ME3: variants seen among roughly 807,000 people sequenced by gnomAD.
The protein encoded by ME3 is NADP-dependent malic enzyme, mitochondrial.
ME3 carries 48 observed loss-of-function variants against 68.9 expected under a neutral mutation model. The observed-to-expected ratio is 0.70, with a 90% CI of 0.55 to 0.89. ME3 has a LOEUF of 0.89. Among genes scored for constraint, ME3 ranks in the 40% least tolerant of loss-of-function variants. The pLI is 0.00. For synonymous variants in ME3, 320 were observed against 318.8 expected (o/e 1.00, Z -0.04); for missense variants, 675 against 797.4 (o/e 0.85, Z 1.85).
At chr11:86,549,938 G>T (rs564039113) in intron 4 of ME3, among the ~76,000 whole-genome samples, 61 of 152,266 alleles carry the variant, frequency 4.0e-4, no homozygotes, top group African/African-American at 1.4e-3. Context: ...GTACTTCCAG[G>T]TTGGGATGGG....
At chr11:86,651,968 T>A (rs1331951453) in intron 2 of ME3, among the ~76,000 whole-genome samples, 1 of 152,220 alleles carries the variant, frequency 6.6e-6, no homozygotes, top group African/African-American at 2.4e-5. Context: ...AGTAGCCGAT[T>A]CGATCAACTG....
chr11:86,597,024 G>A (rs952302970), intron 2 of ME3, among the ~76,000 whole-genome samples: 1 of 152,222 alleles, frequency 6.6e-6, no homozygotes, highest in Non-Finnish European at 1.5e-5. Context: ...TCCAGCAAAA[G>A]ACAGAGGCCC....
chr11:86,551,224 G>A (rs901429706), intron 4 of ME3, among the ~76,000 whole-genome samples: 9 of 152,240 alleles, frequency 5.9e-5, no homozygotes, highest in East Asian at 5.8e-4. Context: ...GTTCACATGC[G>A]TTTAGCCCTT....
At position 86,497,912 on chromosome 11, in the gene ME3, C is replaced by T. The variant is rs529249561; in HGVS notation, c.705+51G>A. ...CCCACAAACATGCTCCTCACCCTGT[C>T]CCAGTTGCCACCTTTTGGCCCCAGA... On this transcript the variant is annotated intron_variant, in intron 6 of 14. Coordinates refer to ENST00000543262, the Ensembl canonical transcript of ME3. 5 of 1,534,126 alleles carry T rather than the reference C, an allele frequency of 3.3e-6. No individual in the cohort carries two copies. The South Asian group carries it at 5.1e-5, about 16-fold the overall frequency.
intron 7 of ME3, among the ~76,000 whole-genome samples, chr11:86,487,095 A>C (rs1235647467): frequency 4.6e-5 from 7 of 152,148 alleles, no homozygotes. Flanking sequence ...CCTCCAGATC[A>C]CAGCCTTCAG....
chr11:86,672,122 G>A, intron 1 of ME3, 164 bp from the exon 2 acceptor site: 1 of 574,810 alleles, frequency 1.7e-6, no homozygotes, highest in Non-Finnish European at 2.7e-6. Context: ...GCTGCCACCT[G>A]CTCGGCTCCG....
chr11:86,478,614 T>A (rs1951217282), intron 7 of ME3, among the ~76,000 whole-genome samples: 1 of 152,190 alleles, frequency 6.6e-6, no homozygotes, highest in African/African-American at 2.4e-5. Flanking sequence ...TCCCTATTGC[T>A]CACTACATCA....
At chr11:86,653,077 G>A (rs1332939529) in intron 2 of ME3, among the ~76,000 whole-genome samples, 2 of 152,112 alleles carry the variant, frequency 1.3e-5, no homozygotes, top group African/African-American at 2.4e-5. Flanking sequence ...CAATACAGGA[G>A]CACCCAGATT....
intron 4 of ME3, among the ~76,000 whole-genome samples, chr11:86,513,435 C>G (rs749396142): frequency 2.6e-5 from 4 of 152,128 alleles, no homozygotes; most frequent in Non-Finnish European, 5.9e-5. Flanking sequence ...AGTCCAAAGA[C>G]TTTATTTTAT....
intron 4 of ME3, among the ~76,000 whole-genome samples, chr11:86,536,337 A>G (rs1203168917): frequency 6.8e-6 from 1 of 146,968 alleles, no homozygotes; most frequent in African/African-American, 2.5e-5. Flanking sequence ...CTACCATCAG[A>G]GTGAACAGGC....
chr11:86,647,835 T>A (rs781006903), intron 2 of ME3, among the ~76,000 whole-genome samples: 23 of 152,152 alleles, frequency 1.5e-4, no homozygotes, highest in Non-Finnish European at 2.4e-4. Flanking sequence ...ACTGTCAATA[T>A]TAGACAGATC....
At chr11:86,450,729 A>G (rs907677519) in intron 8 of ME3, among the ~76,000 whole-genome samples, 2 of 152,224 alleles carry the variant, frequency 1.3e-5, no homozygotes, top group African/African-American at 4.8e-5. Context: ...AGCCTCATAG[A>G]ATTATATAAG....
intron 4 of ME3, among the ~76,000 whole-genome samples, chr11:86,528,603 G>A (rs142740813): frequency 0.012 from 1,848 of 152,172 alleles, 48 homozygotes; most frequent in African/African-American, 0.042. Context: ...CACATAGTTG[G>A]AAGTAAAGCA....
chr11:86,497,825 G>T, intron 6 of ME3, 138 bp downstream of exon 6: 2 of 1,000,910 alleles, frequency 2.0e-6, no homozygotes, highest in Non-Finnish European at 2.9e-6. Context: ...CTGTGTAGGG[G>T]GAATGCCCTG....
chr11:86,642,412 T>A (rs1205716221), intron 2 of ME3, among the ~76,000 whole-genome samples: 1 of 152,230 alleles, frequency 6.6e-6, no homozygotes, highest in Non-Finnish European at 1.5e-5. Flanking sequence ...CGCAACAATG[T>A]ACTCAGCAAA....
chr11:86,659,816 G>A (rs1946159356), intron 2 of ME3, among the ~76,000 whole-genome samples: 1 of 152,188 alleles, frequency 6.6e-6, no homozygotes, highest in African/African-American at 2.4e-5. Flanking sequence ...TTATAATGGT[G>A]ACAGGCAGGA....
At chr11:86,453,864 G>A (rs556310650) in intron 8 of ME3, among the ~76,000 whole-genome samples, 2 of 152,284 alleles carry the variant, frequency 1.3e-5, no homozygotes, top group African/African-American at 4.8e-5. Flanking sequence ...TGACACCAAC[G>A]CCACTAACTG....
intron 14 of ME3, among the ~76,000 whole-genome samples, chr11:86,441,947 G>A (rs1169659940): frequency 6.6e-6 from 1 of 152,188 alleles, no homozygotes; most frequent in East Asian, 1.9e-4. Flanking sequence ...AGAAACTGAC[G>A]GGGTGAAGCT....
chr11:86,635,736 A>T (rs1010712666), intron 2 of ME3, among the ~76,000 whole-genome samples: 4 of 152,210 alleles, frequency 2.6e-5, no homozygotes, highest in Non-Finnish European at 2.9e-5. Context: ...TGAGGAAATA[A>T]CTTTTTTTCC....
Sources: allele counts gnomAD v4.1 joint callset (sites outside exome capture counted in the v4.1 genomes callset), GRCh38; gene constraint gnomAD v4.1.1; transcripts MANE v1.5; gene names NCBI Gene and HGNC (gene_info 2026-07-23, HGNC 2026-07-21).